The following LDB2 variants were observed in gnomAD, a reference collection of about 807,000 sequenced individuals.
LDB2 encodes LIM domain binding 2, also known as LIM domain-binding protein 2.
LDB2 carries 12 observed loss-of-function variants against 44.3 expected under a neutral mutation model. The observed-to-expected ratio is 0.27, with a 90% CI of 0.17 to 0.44. LDB2 has a LOEUF of 0.44. Ranked by LOEUF, LDB2 falls within the 20% of genes least tolerant of loss-of-function variation. The pLI, the probability that LDB2 is intolerant of heterozygous loss-of-function variation, is 1.00. For synonymous variants in LDB2, 164 were observed against 174.8 expected, an observed-to-expected ratio of 0.94 and a Z score of 0.49; for missense variants, 344 against 473.5, an observed-to-expected ratio of 0.73 and a Z score of 2.54.
chr4:16,826,192 G>A (rs1783041372), intron 1 of LDB2, among the ~76,000 whole-genome samples: 1 of 152,120 alleles, frequency 6.6e-6, no homozygotes, highest in African/African-American at 2.4e-5. Flanking sequence ...TTAGATAGAT[G>A]AGATAGCTAT....
At chr4:16,738,205 C>T (rs981569864) in intron 2 of LDB2, among the ~76,000 whole-genome samples, 3 of 152,136 alleles carry the variant, frequency 2.0e-5, no homozygotes, top group African/African-American at 4.8e-5. Flanking sequence ...AAAAATGGGA[C>T]GTCTCAAGTA....
At chr4:16,616,074 A>C (rs1344923827) in intron 2 of LDB2, among the ~76,000 whole-genome samples, 1 of 152,140 alleles carries the variant, frequency 6.6e-6, no homozygotes, top group African/African-American at 2.4e-5. Flanking sequence ...ACCCTAATTA[A>C]CTTTTCTTCC....
intron 2 of LDB2, among the ~76,000 whole-genome samples, chr4:16,742,415 C>G (rs1314349823): frequency 6.6e-6 from 1 of 152,156 alleles, no homozygotes; most frequent in East Asian, 1.9e-4. Context: ...TTACCTACAA[C>G]CAACTCCAGC....
intron 1 of LDB2, among the ~76,000 whole-genome samples, chr4:16,869,381 A>G (rs1016216892): frequency 8.5e-5 from 13 of 152,144 alleles, no homozygotes; most frequent in Non-Finnish European, 1.8e-4. Context: ...TGGAGGTGAT[A>G]ATATCAGACA....
At chr4:16,775,915 G>A (rs1771785155) in intron 1 of LDB2, among the ~76,000 whole-genome samples, 1 of 152,152 alleles carries the variant, frequency 6.6e-6, no homozygotes, top group South Asian at 2.1e-4. Flanking sequence ...ATCCACAGTT[G>A]CACATTGTTC....
chr4:16,691,960 C>G (rs147921459), intron 2 of LDB2, among the ~76,000 whole-genome samples: 1 of 152,066 alleles, frequency 6.6e-6, no homozygotes, highest in Non-Finnish European at 1.5e-5. Flanking sequence ...ATGCTATTTG[C>G]GATTACACAA....
chr4:16,787,380 A>T (rs528209360), intron 1 of LDB2, among the ~76,000 whole-genome samples: 1 of 152,306 alleles, frequency 6.6e-6, no homozygotes, highest in African/African-American at 2.4e-5. Flanking sequence ...TGGGAGGCCA[A>T]GGTGGGCATA....
At chr4:16,894,929 A>C (rs560977377) in intron 1 of LDB2, among the ~76,000 whole-genome samples, 2 of 152,140 alleles carry the variant, frequency 1.3e-5, no homozygotes, top group Admixed American at 1.3e-4. Context: ...TGTAATATTG[A>C]TAAAAGAAAA....
intron 2 of LDB2, among the ~76,000 whole-genome samples, chr4:16,717,297 C>A (rs1828855): frequency 0.46 from 70,146 of 151,800 alleles, 16,699 homozygotes; most frequent in East Asian, 0.78. Flanking sequence ...CAATAACTCT[C>A]GTTATTCTGC....
At chr4:16,595,635 C>A in intron 3 of LDB2, 68 bp downstream of exon 3, 2 of 1,450,928 alleles carry the variant, frequency 1.4e-6, no homozygotes, top group Admixed American at 1.9e-5. Flanking sequence ...ATAGGAAAAC[C>A]ATAATTATTA....
chr4:16,615,562 A>G (rs12644746), intron 2 of LDB2, among the ~76,000 whole-genome samples: 54,550 of 151,736 alleles, frequency 0.36, 10,242 homozygotes, highest in East Asian at 0.59. Context: ...CACTGAGAAC[A>G]CATGGACACA....
chr4:16,697,266 T>TACACACACAC (rs57040700), intron 2 of LDB2, among the ~76,000 whole-genome samples: 6,246 of 130,634 alleles, frequency 0.048, 224 homozygotes, highest in East Asian at 0.16. Flanking sequence ...CTACTAAAAA[T>TACACACACAC]ACACACACAC....
At chr4:16,894,491 T>G (rs1724350043) in intron 1 of LDB2, among the ~76,000 whole-genome samples, 1 of 152,210 alleles carries the variant, frequency 6.6e-6, no homozygotes, top group African/African-American at 2.4e-5. Flanking sequence ...TTGTTGTTGT[T>G]GCTGTTTGCT....
At chr4:16,522,044 A>G (rs779041211) in intron 5 of LDB2, among the ~76,000 whole-genome samples, 3 of 152,176 alleles carry the variant, frequency 2.0e-5, no homozygotes, top group Non-Finnish European at 4.4e-5. Flanking sequence ...CAGTCTCCCC[A>G]TCGGCAAGAT....
In LDB2 at chr4:16,896,815, A is replaced by G. The variant is rs558760325; in HGVS notation, c.132+1539T>C. Among the ~76,000 whole-genome samples the G allele has an allele frequency of 2.0e-5, 3 of 152,332 alleles. No individual in the cohort carries two copies. The East Asian group carries it at 5.8e-4, about 29-fold the overall frequency. On this transcript the variant is annotated intron_variant, in intron 1 of 7. Coordinates refer to ENST00000304523, the MANE Select transcript of LDB2 (RefSeq NM_001290.5). ...GCAGAGATTTAAGATTCCAACACAC[A>G]GTTGCAAAGATCTGAAGGAAATATA...
intron 2 of LDB2, among the ~76,000 whole-genome samples, chr4:16,695,426 C>T (rs1396496247): frequency 6.6e-6 from 1 of 150,544 alleles, no homozygotes. Context: ...CACCGCTGCA[C>T]TCCAGCCTTG....
chr4:16,640,660 A>G (rs1192124517), intron 2 of LDB2, among the ~76,000 whole-genome samples: 1 of 152,218 alleles, frequency 6.6e-6, no homozygotes, highest in Non-Finnish European at 1.5e-5. Flanking sequence ...CATTATTTTT[A>G]TCTTCAATCT....
intron 5 of LDB2, among the ~76,000 whole-genome samples, chr4:16,541,989 A>C (rs1331816729): frequency 6.6e-6 from 1 of 150,692 alleles, no homozygotes; most frequent in Non-Finnish European, 1.5e-5. Context: ...TTCCTAGAGA[A>C]ATTTCTGGCA....
chr4:16,721,655 T>A (rs547511339), intron 2 of LDB2, among the ~76,000 whole-genome samples: 196 of 152,208 alleles, frequency 1.3e-3, no homozygotes, highest in African/African-American at 4.4e-3. Context: ...AATTGTGAAG[T>A]GTCAGCAGAT....
Sources: allele counts gnomAD v4.1 joint callset (sites outside exome capture counted in the v4.1 genomes callset), GRCh38; gene constraint gnomAD v4.1.1; transcripts MANE v1.5; gene names NCBI Gene and HGNC (gene_info 2026-07-23, HGNC 2026-07-21).